The following ATM variants were observed in gnomAD, a reference collection of about 807,000 sequenced individuals.
The protein encoded by ATM is ATM serine/threonine kinase, also known as serine-protein kinase ATM.
ATM carries 308 observed loss-of-function variants against 387.0 expected under a neutral mutation model. The ratio of observed to expected loss-of-function variants is 0.80; its 90% CI spans 0.73 to 0.87. The LOEUF (loss-of-function observed/expected upper bound fraction) is 0.87. ATM is among the 40% of genes least tolerant of loss of function. The probability of loss-of-function intolerance (pLI) is 0.00; values close to 1 mark genes in which losing one functional copy is unlikely to be tolerated. For synonymous variants in ATM, 1,156 were observed against 1,187.3 expected, an observed-to-expected ratio of 0.97 and a Z score of 0.54; for missense variants, 3,312 against 3,560.9, an observed-to-expected ratio of 0.93 and a Z score of 1.78.
Position 108,256,908 on chromosome 11 carries a change from G to A in ATM, c.2250+568G>A, listed in dbSNP as rs552167774. Among the ~76,000 whole-genome samples the A allele has an allele frequency of 1.0e-3, 152 of 152,116 alleles. 1 individual carries two copies. The highest frequency in any genetic ancestry group is 2.8e-3 in the Admixed American group (43 of 15,270). ...TATATGTGCCACATTATCTTTATCC[G>A]GTCTATCATTGATGGGCATTTGGGT... On this transcript the variant is annotated intron_variant, in intron 14 of 62. Coordinates refer to ENST00000675843, the MANE Select transcript of ATM (RefSeq NM_000051.4).
intron 61 of ATM, among the ~76,000 whole-genome samples, chr11:108,360,504 T>G (rs1433493224): frequency 0.033 from 4,257 of 127,214 alleles, 118 homozygotes; most frequent in Non-Finnish European, 0.048. Flanking sequence ...AAAAGAGAAT[T>G]TTAGACCAAT....
intron 18 of ATM, 61 bp downstream of exon 18, chr11:108,268,670 T>A (rs45454103): frequency 2.4e-5 from 36 of 1,510,038 alleles, no homozygotes; most frequent in Non-Finnish European, 3.3e-5. Flanking sequence ...CTAAATGTAA[T>A]GAGTTGACAT....
chr11:108,343,112 T>C, intron 56 of ATM, 110 bp from the exon 57 acceptor site: 1 of 1,365,984 alleles, frequency 7.3e-7, no homozygotes. Context: ...CAGAGAAATA[T>C]TAATACAACT....
chr11:108,227,751 A>T (rs1025690128), intron 2 of ATM, 25 bp from the exon 3 acceptor site: 4 of 1,612,048 alleles, frequency 2.5e-6, no homozygotes, highest in Non-Finnish European at 3.4e-6. Flanking sequence ...TTAGTAACCC[A>T]TTATTATTTC....
intron 50 of ATM, 108 bp downstream of exon 50, chr11:108,330,529 C>T (rs904743657): frequency 1.9e-6 from 2 of 1,066,664 alleles, no homozygotes; most frequent in Non-Finnish European, 2.9e-6. Flanking sequence ...GCACTTGGTC[C>T]AGTGCTCTAC....
intron 61 of ATM, among the ~76,000 whole-genome samples, chr11:108,360,628 A>C (rs1247874791): frequency 6.7e-6 from 1 of 150,100 alleles, no homozygotes; most frequent in African/African-American, 2.5e-5. Flanking sequence ...CCTGGGATTC[A>C]AGGCTGGTTC....
intron 18 of ATM, among the ~76,000 whole-genome samples, chr11:108,269,839 A>G (rs1238737703): frequency 6.6e-6 from 1 of 152,194 alleles, no homozygotes; most frequent in Non-Finnish European, 1.5e-5. Context: ...GAGTGAGAAG[A>G]CAAGTTTGGT....
chr11:108,247,207 C>A (rs896045798), intron 8 of ATM, 80 bp downstream of exon 8: 1 of 1,393,540 alleles, frequency 7.2e-7, no homozygotes, highest in Non-Finnish European at 1.0e-6. Context: ...GCTTTTAAAA[C>A]CTGTGTTCTC....
intron 28 of ATM, 146 bp downstream of exon 28, chr11:108,289,249 A>G: frequency 1.1e-6 from 1 of 920,014 alleles, no homozygotes; most frequent in Non-Finnish European, 1.6e-6. Context: ...ACAAGTTTAA[A>G]TGGTATTTTA....
intron 57 of ATM, 140 bp from the exon 58 acceptor site, chr11:108,345,603 A>G: frequency 1.4e-6 from 1 of 694,008 alleles, no homozygotes; most frequent in Non-Finnish European, 2.3e-6. Flanking sequence ...TTCCCTGTCC[A>G]GACTGTTAGC....
At chr11:108,295,747 C>T (rs2083085976) in intron 32 of ATM, 1 of 152,168 alleles carries the variant, frequency 6.6e-6, no homozygotes, top group South Asian at 2.1e-4. Flanking sequence ...ACCTCCACCT[C>T]CTGAGCTCAG....
At position 108,276,890 on chromosome 11, in the gene ATM, G is replaced by A. The variant is rs543695676; in HGVS notation, c.3285-2601G>A. Among the ~76,000 whole-genome samples, 45 of 152,318 alleles carry A rather than the reference G, an allele frequency of 3.0e-4. No homozygotes were observed. In the Middle Eastern group the frequency reaches 0.017, roughly 58 times the overall value. On this transcript the variant is annotated intron_variant, in intron 22 of 62. Coordinates refer to ENST00000675843, the MANE Select transcript of ATM (RefSeq NM_000051.4). ...GTCTGTCCCTTAGCAGAGCTCGAGC[G>A]CTGTGCTGGGAGATCCGCTATTCTC... is the stretch of plus-strand genomic sequence containing the variant.
At chr11:108,286,749 C>T (rs2082515080) in intron 26 of ATM, among the ~76,000 whole-genome samples, 1 of 152,116 alleles carries the variant, frequency 6.6e-6, no homozygotes. Flanking sequence ...TGCCTCCAGA[C>T]CTTATTGCCC....
chr11:108,322,434 G>A (rs1363512733), intron 45 of ATM, among the ~76,000 whole-genome samples: 4 of 152,172 alleles, frequency 2.6e-5, no homozygotes, highest in African/African-American at 7.2e-5. Context: ...GATTGCAGGC[G>A]TTAGCCACCA....
intron 5 of ATM, among the ~76,000 whole-genome samples, chr11:108,239,208 C>T (rs975828192): frequency 2.0e-5 from 3 of 152,148 alleles, no homozygotes; most frequent in African/African-American, 7.2e-5. Context: ...TGTCTTTCTG[C>T]CATGTGAAGA....
chr11:108,308,111 T>C, intron 38 of ATM, 127 bp downstream of exon 38: 2 of 911,606 alleles, frequency 2.2e-6, no homozygotes, highest in Non-Finnish European at 3.5e-6. Context: ...TTGTGTGATA[T>C]TTATATCTCC....
At chr11:108,296,970 G>C in intron 32 of ATM, 1 of 333,684 alleles carries the variant, frequency 3.0e-6, no homozygotes, top group Non-Finnish European at 5.7e-6. Context: ...GGCTCCCAAA[G>C]TCCCTTCTAG....
At position 108,251,989 on chromosome 11, in the gene ATM, G is replaced by T. The variant is rs1060501553; in HGVS notation, c.1760G>T (p.Gly587Val). The T allele has an allele frequency of 1.2e-6, 2 of 1,613,390 alleles. No individual in the cohort carries two copies. Among genetic ancestry groups the T allele is most frequent in the Admixed American group, 3.3e-5 (2 of 59,994 alleles). Residue 587 changes from glycine (G) to valine (V), a missense_variant, in exon 11 of 63, where the codon GGT (glycine) becomes GTT (valine). Gly to Val is a moderately radical substitution (Grantham distance 109, BLOSUM62 -3). Around this residue, in one of 4 missense-constraint regions of ATM, gnomAD observed 1,791 missense variants for 1,804.5 expected, o/e 0.99. Coordinates refer to ENST00000675843, the MANE Select transcript of ATM (RefSeq NM_000051.4). ...TGGCTCTTATTCTATCAGTTAGAGG[G>T]TGACTTAGAAAATAGCACAGAAGTG... ...MKWLLFYQLE[G>V]DLENSTEVPP...
rs533886011 is a variant in ATM at position 108,328,008 on chromosome 11, C to T, written c.7089+250C>T. 3.3e-5 allele frequency among the ~76,000 whole-genome samples: 5 copies of T among 152,276 alleles called. No individual in the cohort carries two copies. The East Asian group carries it at 9.7e-4, about 29-fold the overall frequency. On this transcript the variant is annotated intron_variant, in intron 48 of 62. Coordinates refer to ENST00000675843, the MANE Select transcript of ATM (RefSeq NM_000051.4). ...CTTCCTACCTCCACTACCAGCTACC[C>T]TTTCAGCAGGTTGCTTCTGATCATT...
Sources: gnomAD v4.1 joint callset for allele counts (sites outside exome capture counted in the v4.1 genomes callset) on GRCh38, gnomAD v4.1.1 for gene constraint, gnomAD v4.1.1 regional missense constraint, MANE v1.5 for transcripts, NCBI Gene and HGNC (gene_info 2026-07-23, HGNC 2026-07-21) for gene names.